The following ASTN1 variants were observed in gnomAD, a reference collection of about 807,000 sequenced individuals.
ASTN1 encodes astrotactin 1.
Under a neutral mutation model 140.7 loss-of-function variants are expected in ASTN1, and 41 were observed. The ratio of observed to expected loss-of-function variants is 0.29; its 90% confidence interval spans 0.23 to 0.38. ASTN1 has a LOEUF of 0.38. Ranked by LOEUF, ASTN1 falls within the 10% of genes least tolerant of loss-of-function variation. The pLI is 1.00. For synonymous variants in ASTN1, 640 were observed against 652.2 expected, an observed-to-expected ratio of 0.98 and a Z score of 0.29; for missense variants, 1,479 against 1,678.8, an observed-to-expected ratio of 0.88 and a Z score of 2.08.
Position 177,060,937 on chromosome 1 carries a change from C to T in ASTN1, c.471+141G>A, listed in dbSNP as rs1678051789. 3.3e-6 allele frequency: 3 copies of T among 900,232 alleles called. No homozygotes were observed. In the East Asian group the frequency reaches 9.1e-5, roughly 27 times the overall value. 55.8% of individuals were successfully genotyped at this position (900,232 alleles called of 1,614,324 possible). A position where few individuals can be genotyped will look rare whatever the true frequency, so the allele number is the denominator to read the frequency against. ...ACATCACAGGTGGATGCATTTCCCA[C>T]AAATGGGAAATTTACTTATTAACAT... On this transcript the variant is annotated intron_variant, in intron 2 of 22. Coordinates refer to ENST00000361833, the MANE Select transcript of ASTN1 (RefSeq NM_004319.3).
intron 8 of ASTN1, among the ~76,000 whole-genome samples, chr1:176,974,188 C>T (rs1326357105): frequency 1.3e-5 from 2 of 152,046 alleles, no homozygotes; most frequent in African/African-American, 4.8e-5. Flanking sequence ...GACTTGATCC[C>T]TTCCTTCTGT....
Position 176,984,544 on chromosome 1 carries a change from G to C in ASTN1, c.1524-19307C>G, listed in dbSNP as rs576860841. Among the ~76,000 whole-genome samples the C allele has an allele frequency of 3.3e-5, 5 of 152,234 alleles. No individual in the cohort carries two copies. In the South Asian group the frequency reaches 1.0e-3, roughly 32 times the overall value. ...GACTGGAGGAGATTATAAAATCAAA[G>C]GACTTAGTGGCTACAACCTCACTGC... is the stretch of plus-strand genomic sequence containing the variant. On this transcript the variant is annotated intron_variant, in intron 8 of 22. Transcript: ENST00000361833.
chr1:177,003,324 G>A (rs1041501355), intron 8 of ASTN1, among the ~76,000 whole-genome samples: 23 of 149,470 alleles, frequency 1.5e-4, no homozygotes, highest in Admixed American at 3.3e-4. Context: ...TAGGGATGCA[G>A]AAATTGTTCA....
At chr1:177,024,546 G>T (rs772928242) in intron 6 of ASTN1, 37 bp downstream of exon 6, 3 of 1,601,392 alleles carry the variant, frequency 1.9e-6, no homozygotes, top group South Asian at 2.2e-5. Context: ...TTTCCTTTTT[G>T]GGGGGCAAGG....
chr1:177,111,920 G>T (rs1320009065), intron 1 of ASTN1, among the ~76,000 whole-genome samples: 2 of 152,170 alleles, frequency 1.3e-5, no homozygotes, highest in Non-Finnish European at 2.9e-5. Context: ...GCAACACTGG[G>T]CCTGGGGAGA....
chr1:177,115,833 T>C (rs995851337), intron 1 of ASTN1, among the ~76,000 whole-genome samples: 17 of 152,118 alleles, frequency 1.1e-4, no homozygotes, highest in South Asian at 2.1e-4. Flanking sequence ...TAATATTCCT[T>C]CAGGTCTTCC....
At chr1:177,081,384 G>A (rs547299892) in intron 1 of ASTN1, among the ~76,000 whole-genome samples, 7 of 152,136 alleles carry the variant, frequency 4.6e-5, no homozygotes, top group Non-Finnish European at 7.3e-5. Context: ...ACATGGGCAG[G>A]GGAAAAATCA....
chr1:176,979,287 T>C (rs1673504638), intron 8 of ASTN1, among the ~76,000 whole-genome samples: 1 of 152,104 alleles, frequency 6.6e-6, no homozygotes, highest in Non-Finnish European at 1.5e-5. Context: ...GTAGCAATGG[T>C]GGCTATCATC....
In ASTN1 at chr1:176,936,386, A is replaced by G. The variant is rs1263972536; in HGVS notation, c.2378-16T>C. On this transcript the variant is annotated splice_polypyrimidine_tract_variant and intron_variant, in intron 14 of 22. Coordinates refer to ENST00000361833, the MANE Select transcript of ASTN1 (RefSeq NM_004319.3). Reference sequence around the variant, plus strand: ...TTCACCATCCCTAAGGACAGAAGAGATGTAAGCTGAGTTCTGATACTGATT... The same window carrying G: ...TTCACCATCCCTAAGGACAGAAGAGGTGTAAGCTGAGTTCTGATACTGATT... 1 of 1,599,016 alleles carries G rather than the reference A, an allele frequency of 6.3e-7. No homozygotes were observed. Among genetic ancestry groups the G allele is most frequent in the African/African-American group, 1.3e-5 (1 of 74,732 alleles).
At chr1:176,946,268 G>T in intron 12 of ASTN1, 148 bp from the exon 13 acceptor site, 2 of 819,378 alleles carry the variant, frequency 2.4e-6, no homozygotes, top group African/African-American at 1.7e-5. Flanking sequence ...ATTTGATTTT[G>T]ACTCATTGTT....
chr1:177,141,302 T>C (rs927601014), intron 1 of ASTN1, among the ~76,000 whole-genome samples: 1 of 152,118 alleles, frequency 6.6e-6, no homozygotes, highest in Non-Finnish European at 1.5e-5. Context: ...GAAAAGTACT[T>C]AGCTCAGGAC....
In ASTN1 at chr1:176,863,016, G is replaced by A. The variant is rs1668017345; in HGVS notation, c.*1268C>T. 4 of 985,520 alleles carry A rather than the reference G, an allele frequency of 4.1e-6. No homozygotes were observed. In the South Asian group the frequency reaches 1.9e-4, roughly 46 times the overall value. 61.0% of individuals were successfully genotyped at this position (985,520 alleles called of 1,614,324 possible). A position where few individuals can be genotyped will look rare whatever the true frequency, so the allele number is the denominator to read the frequency against. ...TTGCTAGTCAACAGGGCCTTGCCAGGCTCTTTCTGAAAGGCTGGGCTTCCT... is the reference window on the plus strand; with the variant it reads ...TTGCTAGTCAACAGGGCCTTGCCAGACTCTTTCTGAAAGGCTGGGCTTCCT... On this transcript the variant is annotated 3_prime_UTR_variant, in exon 23 of 23. Coordinates refer to ENST00000361833, the MANE Select transcript of ASTN1 (RefSeq NM_004319.3).
intron 1 of ASTN1, among the ~76,000 whole-genome samples, chr1:177,141,477 A>T (rs916408564): frequency 6.6e-6 from 1 of 152,170 alleles, no homozygotes; most frequent in East Asian, 1.9e-4. Flanking sequence ...GGGGAAAAAA[A>T]ACTGATCTGG....
At chr1:177,025,669 C>T (rs1676071264) in intron 5 of ASTN1, among the ~76,000 whole-genome samples, 1 of 152,120 alleles carries the variant, frequency 6.6e-6, no homozygotes, top group Admixed American at 6.6e-5. Flanking sequence ...AGACACTGTG[C>T]TGAGTTTTTT....
At chr1:176,876,473 CATAG>C (rs760277380) in intron 21 of ASTN1, 60 bp downstream of exon 21, 960 of 1,546,582 alleles carry the variant, frequency 6.2e-4, no homozygotes, top group Admixed American at 1.2e-3. Flanking sequence ...CTTCTGTCCT[CATAG>C]CAAGTGGTGG....
At chr1:177,031,197 T>G (rs1463752341) in intron 3 of ASTN1, among the ~76,000 whole-genome samples, 1 of 152,186 alleles carries the variant, frequency 6.6e-6, no homozygotes, top group African/African-American at 2.4e-5. Context: ...TATTATTATA[T>G]TATGTATTAT....
At chr1:177,030,166 A>C (rs1168463541) in intron 4 of ASTN1, among the ~76,000 whole-genome samples, 2 of 152,258 alleles carry the variant, frequency 1.3e-5, no homozygotes, top group Admixed American at 6.5e-5. Context: ...AAAAGACAGA[A>C]TAGAATAAAG....
At chr1:177,055,080 A>G (rs1009193193) in intron 2 of ASTN1, among the ~76,000 whole-genome samples, 2 of 152,204 alleles carry the variant, frequency 1.3e-5, no homozygotes, top group African/African-American at 2.4e-5. Context: ...ATTCTCTAAA[A>G]CTAAAAAGCC....
intron 1 of ASTN1, among the ~76,000 whole-genome samples, chr1:177,155,236 G>T (rs1683190309): frequency 6.6e-6 from 1 of 152,176 alleles, no homozygotes; most frequent in South Asian, 2.1e-4. Flanking sequence ...ATGAAGGGTA[G>T]GAGATTTTGT....
Sources: allele counts gnomAD v4.1 joint callset (sites outside exome capture counted in the v4.1 genomes callset), GRCh38; gene constraint gnomAD v4.1.1; transcripts MANE v1.5; gene names NCBI Gene and HGNC (gene_info 2026-07-23, HGNC 2026-07-21).